The following HEXD variants were observed in gnomAD, a reference collection of about 807,000 sequenced individuals.
HEXD encodes N-acetyl-beta-galactosaminidase.
HEXD carries 47 observed loss-of-function variants against 54.2 expected under a neutral mutation model. The ratio of observed to expected loss-of-function variants is 0.87; its 90% CI spans 0.69 to 1.11. HEXD has a LOEUF of 1.11. Among genes scored for constraint, HEXD ranks in the 50% least tolerant of loss-of-function variants. The probability of loss-of-function intolerance (pLI) is 0.00; values close to 1 mark genes in which losing one functional copy is unlikely to be tolerated. For missense variants in HEXD, 576 were observed against 649.2 expected, an observed-to-expected ratio of 0.89 and a Z score of 1.23; for synonymous variants, 293 against 287.6, an observed-to-expected ratio of 1.02 and a Z score of -0.19.
intron 4 of HEXD, among the ~76,000 whole-genome samples, chr17:82,431,741 A>T (rs569674039): frequency 6.6e-6 from 1 of 152,168 alleles, no homozygotes; most frequent in South Asian, 2.1e-4. Flanking sequence ...CAATATATTC[A>T]TAGTAGTTTT....
chr17:82,438,722 CAAG>C (rs2053843628), intron 8 of HEXD, among the ~76,000 whole-genome samples: 2 of 152,218 alleles, frequency 1.3e-5, no homozygotes, highest in Non-Finnish European at 2.9e-5. Flanking sequence ...GAGATGGAGT[CAAG>C]AATTTCATGG....
At position 82,442,610 on chromosome 17, in the gene HEXD, G is replaced by T; in HGVS notation, c.*226G>T. 1 of 1,547,334 alleles carries T rather than the reference G, an allele frequency of 6.5e-7. No individual in the cohort carries two copies. The highest frequency in any genetic ancestry group is 1.2e-5 in the South Asian group (1 of 83,302). On this transcript the variant is annotated 3_prime_UTR_variant, in exon 13 of 13. Transcript: ENST00000327949. The surrounding 1 kb of genome is among the most constrained non-coding windows in gnomAD (Gnocchi z 6.8). ...CTTTGTGATCTGCATGTGTGACACTGATTCTTTGGAAATAAAGAGTGGAAG... is the reference window on the plus strand; with the variant it reads ...CTTTGTGATCTGCATGTGTGACACTTATTCTTTGGAAATAAAGAGTGGAAG...
At chr17:82,433,094 ATATATAT>A (rs2053639134) in intron 4 of HEXD, among the ~76,000 whole-genome samples, 1 of 8,318 alleles carries the variant, frequency 1.2e-4, no homozygotes, top group Non-Finnish European at 1.6e-4. Flanking sequence ...AAAAAAAAAT[ATATATAT>A]ATATATATAT....
rs777517150 is a variant in HEXD at position 82,441,072 on chromosome 17, T to C, written c.1058T>C (p.Val353Ala). ...TCCAGCCTGGAAAAAACGGACCCTGTTAGGCAAGCACCCTGCAGCCCTCCC... is the reference window on the plus strand; with the variant it reads ...TCCAGCCTGGAAAAAACGGACCCTGCTAGGCAAGCACCCTGCAGCCCTCCC... ...GISSLEKTDP[V>A]REGAGSFPGS... The change falls in exon 10 of 13, where the codon GTT (valine) becomes GCT (alanine). Residue 353 changes from valine to alanine, a missense_variant. By Grantham distance (64) the Val-to-Ala change is moderately conservative. Coordinates refer to ENST00000327949, the MANE Select transcript of HEXD (RefSeq NM_001330542.2). 20 of 1,613,602 alleles carry C rather than the reference T, an allele frequency of 1.2e-5. No homozygotes were observed. The highest frequency in any genetic ancestry group is 8.3e-5 in the Admixed American group (5 of 60,030).
At chr17:82,424,342 C>T in intron 2 of HEXD, 52 bp from the exon 3 acceptor site, 2 of 1,213,016 alleles carry the variant, frequency 1.6e-6, no homozygotes, top group Non-Finnish European at 2.5e-6. Flanking sequence ...GGACTTGCCA[C>T]ATCGTGCTCC....
chr17:82,422,457 A>G lies in HEXD; in HGVS notation c.85-1937A>G, dbSNP rs192020219. 5.1e-3 allele frequency among the ~76,000 whole-genome samples: 779 copies of G among 151,808 alleles called. 4 individuals carry two copies. The highest frequency in any genetic ancestry group is 7.6e-3 in the Non-Finnish European group (518 of 67,970). On this transcript the variant is annotated intron_variant, in intron 2 of 12. Transcript: ENST00000327949. ...GGTTGCAGTGAGCCAAGATCGTGCC[A>G]CTGCACTCCAGCCTGGGCGATAGAG...
Position 82,434,336 on chromosome 17 carries a change from C to T in HEXD, c.447+514C>T, listed in dbSNP as rs967072528. ...ACCCAGTGAGCCCCCACCCTTGCCC[C>T]TCCTGCCACTCACTGGACTCCAACT... On this transcript the variant is annotated intron_variant, in intron 5 of 12. Coordinates refer to ENST00000327949, the MANE Select transcript of HEXD (RefSeq NM_001330542.2). The surrounding 1 kb of genome is among the most constrained non-coding windows in gnomAD (Gnocchi z 4.5). Among the ~76,000 whole-genome samples, 1 of 152,194 alleles carries T rather than the reference C, an allele frequency of 6.6e-6. No individual in the cohort carries two copies. The highest frequency in any genetic ancestry group is 6.5e-5 in the Admixed American group (1 of 15,286).
chr17:82,432,867 T>A (rs755224056), intron 4 of HEXD, among the ~76,000 whole-genome samples: 1 of 145,280 alleles, frequency 6.9e-6, no homozygotes, highest in African/African-American at 2.6e-5. Flanking sequence ...ATCGAGACCA[T>A]CCTGGCTAAC....
rs780099318 is a variant in HEXD at position 82,441,237 on chromosome 17, C to G, written c.1134C>G (p.Ser378Arg). Reference sequence around the variant, plus strand: ...CACAAGTCAGCCTCCATCTGCGCAGCTCTGTGGATGCGCTGCTGGAGGGCA... The same window carrying G: ...CACAAGTCAGCCTCCATCTGCGCAGGTCTGTGGATGCGCTGCTGGAGGGCA... ...LVTQVSLHLRSSVDALLEGNR... is the reference protein window; with the variant it reads ...LVTQVSLHLRRSVDALLEGNR... The change falls in exon 11 of 13, where the codon AGC becomes AGG. Residue 378 changes from serine to arginine, a missense_variant. Coordinates refer to ENST00000327949, the MANE Select transcript of HEXD (RefSeq NM_001330542.2). 7 of 1,612,516 alleles carry G rather than the reference C, an allele frequency of 4.3e-6. No homozygotes were observed. The highest frequency in any genetic ancestry group is 1.3e-5 in the African/African-American group (1 of 74,852).
chr17:82,423,630 T>C (rs2053303205), intron 2 of HEXD: 1 of 152,104 alleles, frequency 6.6e-6, no homozygotes, highest in Non-Finnish European at 1.5e-5. Context: ...CTGGCCAACA[T>C]GGTGAAACCC....
intron 6 of HEXD, 88 bp downstream of exon 6, chr17:82,435,960 G>C: frequency 7.3e-7 from 1 of 1,363,174 alleles, no homozygotes; most frequent in Non-Finnish European, 1.0e-6. Flanking sequence ...TAGGAAGTGG[G>C]CCCCAGGGTG....
At chr17:82,421,599 AC>A in intron 2 of HEXD, among the ~76,000 whole-genome samples, 3 of 151,352 alleles carry the variant, frequency 2.0e-5, no homozygotes, top group Non-Finnish European at 4.4e-5. Context: ...GCCAAGACGG[AC>A]AGATCACCTG....
intron 8 of HEXD, among the ~76,000 whole-genome samples, chr17:82,438,612 G>A (rs2053840239): frequency 6.6e-6 from 1 of 152,256 alleles, no homozygotes; most frequent in Non-Finnish European, 1.5e-5. Context: ...TCTCAAGTTA[G>A]AGGGTTGGGG....
intron 9 of HEXD, chr17:82,440,606 C>T: frequency 3.1e-6 from 1 of 325,270 alleles, no homozygotes; most frequent in South Asian, 2.6e-5. Flanking sequence ...TGCCTGCAGG[C>T]CTCATGGGTT....
intron 2 of HEXD, among the ~76,000 whole-genome samples, chr17:82,423,831 GAGAA>G (rs950433768): frequency 4.9e-5 from 7 of 141,710 alleles, no homozygotes; most frequent in African/African-American, 1.5e-4. Context: ...AAAAAAAAGA[GAGAA>G]AGACAAGGAA....
rs753141528 is a variant in HEXD at position 82,441,126 on chromosome 17, G to GC, written c.1062-36dup. 15 of 1,613,394 alleles carry GC rather than the reference G, an allele frequency of 9.3e-6. No homozygotes were observed. In the East Asian group the frequency reaches 3.3e-4, roughly 36 times the overall value. On this transcript the variant is annotated intron_variant, in intron 10 of 12. Transcript: ENST00000327949. ...CCCCTTCTTCCCCTCCCCTTCCCCC[G>GC]CCCGTGGAGACAGCTGTTCTCAGCA...
At chr17:82,426,237 G>C (rs1270709964) in intron 3 of HEXD, 1 of 152,342 alleles carries the variant, frequency 6.6e-6, no homozygotes, top group African/African-American at 2.4e-5. Context: ...AAGATGTTGA[G>C]AGATGTTCCC....
At chr17:82,420,108 A>C in intron 2 of HEXD, 1 of 365,348 alleles carries the variant, frequency 2.7e-6, no homozygotes. Context: ...CAGAGAACAA[A>C]AGAAACTCAC....
At position 82,419,899 on chromosome 17, in the gene HEXD, T is replaced by C; in HGVS notation, c.84+16T>C. On this transcript the variant is annotated intron_variant, in intron 2 of 12. Transcript: ENST00000327949. Reference sequence around the variant, plus strand: ...CCTCTCAGAGGTAAGGACTCCCTTTTACCTCTAGAGCATTACTTTTTGCCT... The same window carrying C: ...CCTCTCAGAGGTAAGGACTCCCTTTCACCTCTAGAGCATTACTTTTTGCCT... The C allele has an allele frequency of 6.5e-7, 1 of 1,531,706 alleles. No homozygotes were observed. The highest frequency in any genetic ancestry group is 9.0e-7 in the Non-Finnish European group (1 of 1,106,654). The allele number at this position is 1,531,706 out of a possible 1,614,324, so 94.9% of individuals were successfully genotyped here.
Sources: allele counts gnomAD v4.1 joint callset (sites outside exome capture counted in the v4.1 genomes callset), GRCh38; gene constraint gnomAD v4.1.1; non-coding constraint Gnocchi (gnomAD v3.1); transcripts MANE v1.5; gene names NCBI Gene and HGNC (gene_info 2026-07-23, HGNC 2026-07-21).